The following TTC13 variants were observed in gnomAD, a reference collection of about 807,000 sequenced individuals.
TTC13 encodes tetratricopeptide repeat protein 13.
Under a neutral mutation model 120.0 loss-of-function variants are expected in TTC13, and 62 were observed. That is an observed-to-expected ratio of 0.52 (90% CI 0.42 to 0.64). The LOEUF (loss-of-function observed/expected upper bound fraction) is 0.64. Ranked by LOEUF, TTC13 falls within the 30% of genes least tolerant of loss-of-function variation. The pLI is 0.00. For missense variants in TTC13, 824 were observed against 1,050.2 expected (o/e 0.78, Z 2.98); for synonymous variants, 384 against 393.5 (o/e 0.98, Z 0.28).
chr1:230,907,889 T>C (rs1259646852), intron 22 of TTC13, among the ~76,000 whole-genome samples: 1 of 152,148 alleles, frequency 6.6e-6, no homozygotes, highest in Non-Finnish European at 1.5e-5. Context: ...TGAGTTTAAT[T>C]TCACACACTT....
chr1:230,955,670 CAA>C (rs34027679), intron 3 of TTC13, among the ~76,000 whole-genome samples: 7 of 105,988 alleles, frequency 6.6e-5, no homozygotes, highest in Admixed American at 1.9e-4. Flanking sequence ...GACTCCATCT[CAA>C]AAAAAAAAAA....
At chr1:230,947,029 C>A (rs1286270201) in intron 4 of TTC13, among the ~76,000 whole-genome samples, 2 of 151,966 alleles carry the variant, frequency 1.3e-5, no homozygotes, top group Non-Finnish European at 2.9e-5. Context: ...TAGATATATT[C>A]CCACTGTACT....
rs1671235975 is a variant in TTC13, at chr1:230,909,110, T to TA, written c.2310-91dup. The TA allele has an allele frequency of 4.6e-6, 5 of 1,083,966 alleles. No individual in the cohort carries two copies. In the South Asian group the frequency reaches 7.1e-5, roughly 15 times the overall value. 67.1% of individuals were successfully genotyped at this position (1,083,966 alleles called of 1,614,324 possible). ...ACCATGGACTTCCCATCATGAAAGATAAAATTTATTCAAAAATTCTTTCAA... is the reference window on the plus strand; with the variant it reads ...ACCATGGACTTCCCATCATGAAAGATAAAAATTTATTCAAAAATTCTTTCAA... On this transcript the variant is annotated intron_variant, in intron 20 of 22. Transcript: ENST00000366661.
In TTC13 at chr1:230,928,858, G is replaced by A. The variant is rs568983786; in HGVS notation, c.1457+79C>T. On this transcript the variant is annotated intron_variant, in intron 12 of 22. Coordinates refer to ENST00000366661, the MANE Select transcript of TTC13 (RefSeq NM_024525.5). ...CTACCTCACCCTCCCAAGTAGCAGG[G>A]AGTAGCGTGCCACCATGCCCAGCTT... The A allele has an allele frequency of 1.9e-3, 2,871 of 1,476,990 alleles. 7 individuals carry two copies. Among genetic ancestry groups the A allele is most frequent in the Non-Finnish European group, 2.4e-3 (2,561 of 1,070,592 alleles). 91.5% of individuals were successfully genotyped at this position (1,476,990 alleles called of 1,614,324 possible).
chr1:230,949,478 C>A (rs111319652), intron 4 of TTC13, among the ~76,000 whole-genome samples: 2,012 of 145,104 alleles, frequency 0.014, 42 homozygotes, highest in African/African-American at 0.034. Flanking sequence ...CTAAAGGTAG[C>A]CATCATCATC....
intron 4 of TTC13, among the ~76,000 whole-genome samples, chr1:230,950,401 T>C (rs1014654998): frequency 6.6e-6 from 1 of 152,002 alleles, no homozygotes; most frequent in African/African-American, 2.4e-5. Flanking sequence ...CTAAATGGTG[T>C]TGTGTCTACT....
intron 4 of TTC13, among the ~76,000 whole-genome samples, chr1:230,952,797 T>C (rs1424409869): frequency 1.3e-5 from 2 of 152,174 alleles, no homozygotes; most frequent in African/African-American, 4.8e-5. Flanking sequence ...ATTCAGATTA[T>C]AAAACAAATG....
chr1:230,920,744 A>C, intron 16 of TTC13, 150 bp from the exon 17 acceptor site: 1 of 482,524 alleles, frequency 2.1e-6, no homozygotes, highest in Non-Finnish European at 3.6e-6. Context: ...CTTCCAAATA[A>C]CGGGATAGTT....
At chr1:230,934,051 C>A (rs1558188839) in intron 8 of TTC13, among the ~76,000 whole-genome samples, 190 bp from the exon 9 acceptor site, 1 of 152,088 alleles carries the variant, frequency 6.6e-6, no homozygotes, top group Non-Finnish European at 1.5e-5. Flanking sequence ...TAAACAAATG[C>A]ATTACTATGA....
chr1:230,922,715 A>C (rs1672693856), intron 15 of TTC13, among the ~76,000 whole-genome samples: 1 of 152,152 alleles, frequency 6.6e-6, no homozygotes, highest in South Asian at 2.1e-4. Context: ...GTAGCACCAG[A>C]AGGCTTTATC....
intron 6 of TTC13, among the ~76,000 whole-genome samples, chr1:230,941,595 G>C (rs1372467624): frequency 6.6e-6 from 1 of 152,192 alleles, no homozygotes; most frequent in East Asian, 1.9e-4. Context: ...AAGCCACCAT[G>C]TCCAGCCTAT....
intron 18 of TTC13, among the ~76,000 whole-genome samples, chr1:230,914,312 C>T (rs899769063): frequency 1.3e-5 from 2 of 152,122 alleles, no homozygotes; most frequent in African/African-American, 4.8e-5. Flanking sequence ...TCAGCCTACT[C>T]AACGTGAAGA....
At chr1:230,938,796 T>C (rs1316812256) in intron 8 of TTC13, among the ~76,000 whole-genome samples, 1 of 152,210 alleles carries the variant, frequency 6.6e-6, no homozygotes, top group Admixed American at 6.5e-5. Flanking sequence ...CTAGAATTTA[T>C]AGATCCTCTG....
intron 1 of TTC13, among the ~76,000 whole-genome samples, chr1:230,976,766 A>G (rs570893120): frequency 2.6e-5 from 4 of 152,360 alleles, no homozygotes; most frequent in Non-Finnish European, 4.4e-5. Context: ...CTCCAGGGAA[A>G]TATCGTAATA....
chr1:230,949,204 G>A (rs1475368021), intron 4 of TTC13, among the ~76,000 whole-genome samples: 1 of 146,770 alleles, frequency 6.8e-6, no homozygotes, highest in African/African-American at 2.5e-5. Context: ...AGTCAGCTCT[G>A]CTAAGCCTAT....
chr1:230,955,690 T>C (rs1014721304), intron 3 of TTC13, among the ~76,000 whole-genome samples: 3 of 119,290 alleles, frequency 2.5e-5, no homozygotes, highest in Non-Finnish European at 3.5e-5. Context: ...AAAAAAGGAG[T>C]AAAAAATTAA....
At chr1:230,976,251 G>A (rs1020142213) in intron 1 of TTC13, among the ~76,000 whole-genome samples, 10 of 152,152 alleles carry the variant, frequency 6.6e-5, no homozygotes, top group African/African-American at 2.2e-4. Context: ...CATTTGTCTA[G>A]ACCCTAATGT....
intron 4 of TTC13, among the ~76,000 whole-genome samples, chr1:230,950,516 C>A (rs1675474516): frequency 6.6e-6 from 1 of 152,044 alleles, no homozygotes; most frequent in Non-Finnish European, 1.5e-5. Flanking sequence ...TTTACCACTA[C>A]AAGGCTGGCT....
chr1:230,968,444 A>T (rs1677376040), intron 1 of TTC13, among the ~76,000 whole-genome samples: 1 of 152,144 alleles, frequency 6.6e-6, no homozygotes, highest in African/African-American at 2.4e-5. Context: ...CTCTTCTCGC[A>T]GCTCAAGTTC....
Sources: allele counts gnomAD v4.1 joint callset (sites outside exome capture counted in the v4.1 genomes callset), GRCh38; gene constraint gnomAD v4.1.1; transcripts MANE v1.5; gene names NCBI Gene and HGNC (gene_info 2026-07-23, HGNC 2026-07-21).